NOTCH2: variants seen among roughly 807,000 people sequenced by gnomAD.
NOTCH2 encodes the protein notch receptor 2.
A neutral mutation model predicts 235.8 loss-of-function variants in NOTCH2; 29 were observed. The observed-to-expected ratio is 0.12, with a 90% CI of 0.09 to 0.17. NOTCH2 has a LOEUF of 0.17. Ranked by LOEUF, NOTCH2 falls within the 10% of genes least tolerant of loss-of-function variation. NOTCH2 has a pLI of 1.00. For missense variants in NOTCH2, 2,285 were observed against 3,150.2 expected, an observed-to-expected ratio of 0.73 and a Z score of 6.57; for synonymous variants, 1,086 against 1,141.5, an observed-to-expected ratio of 0.95 and a Z score of 0.98.
In NOTCH2 at chr1:119,924,402, A is replaced by G. The variant is rs761825132; in HGVS notation, c.4512-418T>C. On this transcript the variant is annotated intron_variant, in intron 25 of 33. Transcript: ENST00000256646. ...CTAGAAACTTGATACAAGGCCCTGA[A>G]CCATTGAGAGTTGCCATACAGAGAA... Among the ~76,000 whole-genome samples, 5 of 152,310 alleles carry G rather than the reference A, an allele frequency of 3.3e-5. No homozygotes were observed. In the South Asian group the frequency reaches 1.0e-3, roughly 32 times the overall value.
chr1:119,937,556 C>G (rs1553195914), intron 20 of NOTCH2, 90 bp from the exon 21 acceptor site: 1 of 1,216,306 alleles, frequency 8.2e-7, no homozygotes, highest in African/African-American at 1.5e-5. Context: ...TCTAAACTGG[C>G]TGACACATCC....
chr1:119,964,976 G>A (rs1385648560), intron 10 of NOTCH2, among the ~76,000 whole-genome samples: 1 of 152,222 alleles, frequency 6.6e-6, no homozygotes, highest in East Asian at 1.9e-4. Context: ...TCTCTCTCCT[G>A]TCATTTACAC....
chr1:120,047,843 CA>C (rs1265706274), intron 1 of NOTCH2, among the ~76,000 whole-genome samples: 1 of 128,270 alleles, frequency 7.8e-6, no homozygotes, highest in African/African-American at 3.2e-5. Flanking sequence ...CAGCTCATGG[CA>C]GCCTCCGCCT....
chr1:119,959,288 G>T (rs186411258), intron 12 of NOTCH2, 104 bp downstream of exon 12: 2 of 756,842 alleles, frequency 2.6e-6, no homozygotes, highest in East Asian at 5.1e-5. Flanking sequence ...ACCCTCCAGA[G>T]TGACAAAGAA....
At chr1:119,998,472 G>C (rs1186984011) in intron 3 of NOTCH2, among the ~76,000 whole-genome samples, 1 of 152,226 alleles carries the variant, frequency 6.6e-6, no homozygotes, top group Non-Finnish European at 1.5e-5. Context: ...TTCTCAAGTA[G>C]GAAAGTACCA....
chr1:119,915,921 C>T lies in NOTCH2; in HGVS notation c.6801G>A (p.Met2267Ile). Residue 2267 changes from methionine to isoleucine, a missense_variant, in exon 34 of 34, where the codon ATG (methionine) becomes ATA (isoleucine). This residue lies in a region of NOTCH2 where 504 missense variants were observed against 538.0 expected (regional missense o/e 0.94). Coordinates refer to ENST00000256646, the MANE Select transcript of NOTCH2 (RefSeq NM_024408.4). ...MEVNETQYNE[M>I]FGMVLAPAEG... ...CAGCTGGAGCCAGGACCATACCAAA[C>T]ATCTCATTGTACTGGGTCTCATTCA... 1.2e-6 allele frequency: 2 copies of T among 1,614,198 alleles called. No individual in the cohort carries two copies. The highest frequency in any genetic ancestry group is 1.7e-6 in the Non-Finnish European group (2 of 1,180,040).
Position 119,915,151 on chromosome 1 carries a change from C to T in NOTCH2, c.*155G>A, listed in dbSNP as rs1331342009. On this transcript the variant is annotated 3_prime_UTR_variant, in exon 34 of 34. Transcript: ENST00000256646. ...GATACCCAGTGAAACTGACGAATTG[C>T]TTCTCTTGCATTATCTGAATAAGAA... The T allele has an allele frequency of 3.9e-6, 3 of 771,424 alleles. No homozygotes were observed. Among genetic ancestry groups the T allele is most frequent in the Non-Finnish European group, 6.5e-6 (3 of 458,320 alleles). 47.8% of individuals were successfully genotyped at this position (771,424 alleles called of 1,614,324 possible). A position where few individuals can be genotyped will look rare whatever the true frequency, so the allele number is the denominator to read the frequency against.
chr1:120,010,906 G>A (rs2101259458), intron 2 of NOTCH2, among the ~76,000 whole-genome samples: 1 of 152,208 alleles, frequency 6.6e-6, no homozygotes, highest in Middle Eastern at 3.4e-3. Flanking sequence ...TAAATAAAAT[G>A]TGGTATATCC....
rs587730868 is a variant in NOTCH2, at chr1:119,991,814, G to A, written c.752-4732C>T. ...TGCACTCCAGCCTGGGAGAAAGAGC[G>A]ATGCTCCGTCTCAAAAAAAAAAAAA... On this transcript the variant is annotated intron_variant, in intron 4 of 33. Coordinates refer to ENST00000256646, the MANE Select transcript of NOTCH2 (RefSeq NM_024408.4). Among the ~76,000 whole-genome samples the A allele has an allele frequency of 3.2e-4, 32 of 98,464 alleles. 2 individuals carry two copies. Among genetic ancestry groups the A allele is most frequent in the African/African-American group, 1.7e-3 (28 of 16,688 alleles). 64.6% of individuals were successfully genotyped at this position (98,464 alleles called of 152,430 possible).
chr1:120,024,025 G>A (rs1386328124), intron 2 of NOTCH2, among the ~76,000 whole-genome samples: 1 of 151,768 alleles, frequency 6.6e-6, no homozygotes, highest in African/African-American at 2.4e-5. Context: ...CTCTATGAGA[G>A]GTATTTAATG....
At chr1:119,998,469 G>A (rs1402378680) in intron 3 of NOTCH2, among the ~76,000 whole-genome samples, 1 of 152,242 alleles carries the variant, frequency 6.6e-6, no homozygotes, top group Non-Finnish European at 1.5e-5. Context: ...ACTTTCTCAA[G>A]TAGGAAAGTA....
intron 17 of NOTCH2, among the ~76,000 whole-genome samples, chr1:119,946,264 C>T (rs138123514): frequency 1.3e-5 from 2 of 152,208 alleles, no homozygotes; most frequent in South Asian, 4.1e-4. Flanking sequence ...TCTACACAAA[C>T]TCTCCCAGAA....
chr1:120,001,567 A>G (rs2691751), intron 3 of NOTCH2, among the ~76,000 whole-genome samples: 148,758 of 152,104 alleles, frequency 0.98, 72,817 homozygotes, highest in East Asian at 1. Flanking sequence ...CCAACACTGC[A>G]CCTTTGATAT....
intron 4 of NOTCH2, among the ~76,000 whole-genome samples, chr1:119,989,571 T>C (rs1414803768): frequency 2.0e-5 from 3 of 151,974 alleles, no homozygotes; most frequent in Non-Finnish European, 4.4e-5. Flanking sequence ...GCAAATCATA[T>C]TATCTGATAA....
chr1:119,965,601 A>C (rs1321436561), intron 9 of NOTCH2, 35 bp from the exon 10 acceptor site: 6 of 1,381,530 alleles, frequency 4.3e-6, no homozygotes, highest in Non-Finnish European at 6.2e-6. Flanking sequence ...GAGTCAAAGG[A>C]TTATCTTGTG....
chr1:119,917,828 C>A, intron 32 of NOTCH2, 66 bp from the exon 33 acceptor site: 1 of 1,021,000 alleles, frequency 9.8e-7, no homozygotes, highest in Non-Finnish European at 1.6e-6. Flanking sequence ...CTATGACTTG[C>A]ACAATGAAAT....
Position 119,915,602 on chromosome 1 carries a change from G to C in NOTCH2, c.7120C>G (p.His2374Asp), listed in dbSNP as rs1374498324. 7 of 1,613,896 alleles carry C rather than the reference G, an allele frequency of 4.3e-6. No individual in the cohort carries two copies. The highest frequency in any genetic ancestry group is 5.9e-6 in the Non-Finnish European group (7 of 1,180,046). The change falls in exon 34 of 34, where the codon CAT becomes GAT. Residue 2374 changes from histidine (H) to aspartate (D), a missense_variant. Transcript: ENST00000256646. ...QVAQTILPAYHPFPASVGKYP... is the reference protein window; with the variant it reads ...QVAQTILPAYDPFPASVGKYP... ...TTGCCCACAGAGGCTGGGAAAGGAT[G>C]ATAGGCTGGGAGAATGGTCTGAGCT...
intron 22 of NOTCH2, among the ~76,000 whole-genome samples, chr1:119,933,966 C>T (rs1649754980): frequency 6.6e-6 from 1 of 152,218 alleles, no homozygotes; most frequent in African/African-American, 2.4e-5. Flanking sequence ...TCCCTCTTCC[C>T]TGTACTGTGG....
intron 1 of NOTCH2, among the ~76,000 whole-genome samples, chr1:120,034,829 AAAC>A (rs1209544707): frequency 1.3e-5 from 2 of 151,780 alleles, no homozygotes; most frequent in Non-Finnish European, 2.9e-5. Context: ...CAGGCAGAGG[AAAC>A]AACAAGTGTA....
Sources: gnomAD v4.1 joint callset for allele counts (sites outside exome capture counted in the v4.1 genomes callset) on GRCh38, gnomAD v4.1.1 for gene constraint, gnomAD v4.1.1 regional missense constraint, MANE v1.5 for transcripts, NCBI Gene and HGNC (gene_info 2026-07-23, HGNC 2026-07-21) for gene names.